The following XIST variants were observed in gnomAD, a reference collection of about 807,000 sequenced individuals.
XIST encodes the protein X inactive specific transcript (non-protein coding).
chrX:73,848,071 G>T (rs756018637), exon 1 of XIST: 3 of 558,955 alleles, frequency 5.4e-6, no homozygotes, highest in South Asian at 4.4e-5. Context: ...AGGGACAAAT[G>T]CAAGTAGCAC....
At chrX:73,823,309 C>CTT (rs375977945) in exon 6 of XIST, 21 of 437,891 alleles carry the variant, frequency 4.8e-5, no homozygotes, top group Admixed American at 1.3e-4. Flanking sequence ...ATTTTTCTTT[C>CTT]TTTTTTTTTT....
exon 6 of XIST, chrX:73,822,761 C>T: frequency 1.8e-6 from 1 of 551,798 alleles, no homozygotes; most frequent in Non-Finnish European, 3.3e-6. Flanking sequence ...TTAGTATCAT[C>T]TTCATCAATA....
chrX:73,824,266 C>A lies in XIST; in HGVS notation n.15635G>T, dbSNP rs748549217. 5 of 515,059 alleles carry A rather than the reference C, an allele frequency of 9.7e-6. No individual in the cohort carries two copies. In the South Asian group the frequency reaches 1.2e-4, roughly 13 times the overall value. The allele number at this position is 515,059 out of a possible 1,213,427, so 42.4% of individuals were successfully genotyped here. On this transcript the variant is annotated non_coding_transcript_exon_variant, in exon 6 of 6. Transcript: ENST00000429829. ...CATTCTTCAGACAACCAATCCCTTG[C>A]GTATGCGTATTCAAAAGATAATCAT... is the stretch of plus-strand genomic sequence containing the variant.
At chrX:73,823,862 G>T (rs1024810042) in exon 6 of XIST, 1 of 556,361 alleles carries the variant, frequency 1.8e-6, no homozygotes, top group African/African-American at 2.2e-5. Flanking sequence ...CCTTCTGTGA[G>T]CACTCTATAA....
chrX:73,824,579 C>A, exon 6 of XIST: 1 of 553,391 alleles, frequency 1.8e-6, no homozygotes, highest in South Asian at 2.3e-5. Flanking sequence ...GAACCCTTCT[C>A]ACTGTGGTTT....
At chrX:73,845,490 G>A (rs1309238826) in exon 1 of XIST, 2 of 550,690 alleles carry the variant, frequency 3.6e-6, no homozygotes, top group East Asian at 3.3e-5. Context: ...ACACTCCCTG[G>A]TGGAAGGGAA....
chrX:73,842,866 A>G, exon 1 of XIST: 1 of 558,491 alleles, frequency 1.8e-6, no homozygotes, highest in Non-Finnish European at 3.2e-6. Flanking sequence ...GCAAATATGG[A>G]CACCTGAGAT....
chrX:73,851,059 C>CAGTGA, exon 1 of XIST: 1 of 559,354 alleles, frequency 1.8e-6, no homozygotes, highest in Non-Finnish European at 3.2e-6. Context: ...AGTAGCTGGA[C>CAGTGA]AGTGTGTCAT....
At chrX:73,849,337 T>A (rs2147707975) in exon 1 of XIST, 1 of 559,176 alleles carries the variant, frequency 1.8e-6, no homozygotes, top group East Asian at 3.2e-5. Flanking sequence ...TGCGACCCCC[T>A]GCTGAATGCA....
exon 3 of XIST, chrX:73,833,257 G>A (rs1922419800): frequency 9.0e-6 from 5 of 557,217 alleles, no homozygotes; most frequent in Non-Finnish European, 1.6e-5. Context: ...CAGATAGCTG[G>A]CAACCCATCC....
At chrX:73,824,091 A>G in exon 6 of XIST, 1 of 552,147 alleles carries the variant, frequency 1.8e-6, no homozygotes, top group East Asian at 3.3e-5. Flanking sequence ...TTCAGCAGAT[A>G]TAGCTTATAT....
exon 1 of XIST, chrX:73,845,708 T>C: frequency 1.8e-6 from 1 of 551,660 alleles, no homozygotes; most frequent in South Asian, 2.2e-5. Flanking sequence ...TCCAATAATG[T>C]CCAAGGTGCA....
chrX:73,833,090 T>C, intron 3 of XIST: 1 of 423,208 alleles, frequency 2.4e-6, no homozygotes, highest in Non-Finnish European at 4.1e-6. Context: ...ACTCCTGGCC[T>C]CAAGTGATCC....
chrX:73,838,919 A>C (rs1922536394), intron 1 of XIST, among the ~76,000 whole-genome samples: 2 of 111,638 alleles, frequency 1.8e-5, no homozygotes, highest in South Asian at 7.4e-4. Context: ...AGCTCTGTTT[A>C]ACTGACACAT....
rs753044209 is a variant in XIST at position 73,827,033 on chromosome X, CATGGG to C, written n.12863_12867del. 5 of 556,850 alleles carry C rather than the reference CATGGG, an allele frequency of 9.0e-6. No homozygotes were observed. In the African/African-American group the frequency reaches 1.1e-4, roughly 12 times the overall value. 45.9% of individuals were successfully genotyped at this position (556,850 alleles called of 1,213,427 possible). On this transcript the variant is annotated non_coding_transcript_exon_variant, in exon 6 of 6. Transcript: ENST00000429829. ...CCTGAGGCTTCTATCTATCTTGGAA[CATGGG>C]CTTTCCATCTTAGTCCTCGGGTCTC... is the stretch of plus-strand genomic sequence containing the variant.
chrX:73,833,429 A>G, intron 2 of XIST: 1 of 500,092 alleles, frequency 2.0e-6, no homozygotes, highest in Admixed American at 2.8e-5. Flanking sequence ...AGGATACCAA[A>G]AGAGTTACAA....
At chrX:73,852,045 G>A (rs779720935) in exon 1 of XIST, 2 of 546,950 alleles carry the variant, frequency 3.7e-6, no homozygotes, top group East Asian at 3.3e-5. Context: ...CCGCGGCCCC[G>A]ATGGGCCAGA....
exon 1 of XIST, chrX:73,851,726 T>G (rs1922947426): frequency 1.8e-6 from 1 of 559,011 alleles, no homozygotes; most frequent in African/African-American, 2.2e-5. Context: ...GCACATGACT[T>G]CCTCTGCCTG....
exon 1 of XIST, chrX:73,850,847 C>T: frequency 1.9e-6 from 1 of 527,125 alleles, no homozygotes; most frequent in African/African-American, 2.3e-5. Context: ...GCCAGATATC[C>T]AGCACTGCAA....
Sources: allele counts gnomAD v4.1 joint callset (sites outside exome capture counted in the v4.1 genomes callset), GRCh38; gene constraint gnomAD v4.1.1; transcripts MANE v1.5; gene names NCBI Gene and HGNC (gene_info 2026-07-23, HGNC 2026-07-21).